SECISBP2: variants seen among roughly 807,000 people sequenced by gnomAD.
SECISBP2 encodes SECIS binding protein 2, also known as selenocysteine insertion sequence-binding protein 2.
In SECISBP2, 96 loss-of-function variants were observed where a neutral mutation model predicts 98.2. That is an observed-to-expected ratio of 0.98 (90% CI 0.83 to 1.16). The LOEUF (loss-of-function observed/expected upper bound fraction) is 1.16, where lower values mean the gene tolerates loss of function less well. Among genes scored for constraint, SECISBP2 ranks in the 50% most tolerant of loss-of-function variants. The pLI is 0.00. For synonymous variants in SECISBP2, 407 were observed against 370.2 expected, an observed-to-expected ratio of 1.10 and a Z score of -1.14; for missense variants, 1,046 against 1,022.9, an observed-to-expected ratio of 1.02 and a Z score of -0.31.
chr9:89,363,602 T>G, downstream of SECISBP2: 1 of 1,600,250 alleles, frequency 6.2e-7, no homozygotes, highest in Middle Eastern at 1.7e-4. Context: ...CTGGCCACCT[T>G]TCTCAATGGA....
At chr9:89,350,535 G>T in intron 13 of SECISBP2, 97 bp from the exon 14 acceptor site, 1 of 1,055,502 alleles carries the variant, frequency 9.5e-7, no homozygotes, top group Non-Finnish European at 1.5e-6. Flanking sequence ...CTTTTTGTCT[G>T]ATGCAGTCTA....
intron 12 of SECISBP2, 46 bp downstream of exon 12, chr9:89,348,260 A>C: frequency 6.2e-7 from 1 of 1,610,316 alleles, no homozygotes; most frequent in Admixed American, 1.7e-5. Flanking sequence ...AACGAGAGCA[A>C]CTATGAAAAG....
chr9:89,334,133 T>C, intron 6 of SECISBP2: 2 of 1,144,548 alleles, frequency 1.7e-6, no homozygotes, highest in Non-Finnish European at 2.2e-6. Flanking sequence ...CTTTGACTTC[T>C]GATGTTAAAG....
chr9:89,361,856 C>G (rs1748762527), downstream of SECISBP2: 1 of 158,670 alleles, frequency 6.3e-6, no homozygotes, highest in Non-Finnish European at 1.4e-5. Flanking sequence ...GGAGTCTCAC[C>G]TTTTCTTGTC....
chr9:89,362,499 GTCTC>G, downstream of SECISBP2: 2 of 1,613,590 alleles, frequency 1.2e-6, no homozygotes, highest in Non-Finnish European at 1.7e-6. Flanking sequence ...AGCCCAGTCT[GTCTC>G]ATAGCCCATC....
intron 4 of SECISBP2, among the ~76,000 whole-genome samples, 153 bp from the exon 5 acceptor site, chr9:89,328,506 AG>A (rs1827163103): frequency 6.6e-6 from 1 of 152,248 alleles, no homozygotes; most frequent in Non-Finnish European, 1.5e-5. Context: ...ACTTTTACAA[AG>A]GAAGGTGAAC....
the SECISBP2 span, among the ~76,000 whole-genome samples, chr9:89,366,334 TATAAC>T: frequency 5.9e-5 from 9 of 152,148 alleles, no homozygotes; most frequent in South Asian, 2.1e-4. Flanking sequence ...TTTCCAAACT[TATAAC>T]AAACAAGCAT....
At chr9:89,320,846 G>A (rs1034111496) in intron 2 of SECISBP2, among the ~76,000 whole-genome samples, 4 of 152,024 alleles carry the variant, frequency 2.6e-5, no homozygotes, top group Non-Finnish European at 5.9e-5. Flanking sequence ...TGCATCAGGT[G>A]TAGTTCTAAT....
intron 4 of SECISBP2, among the ~76,000 whole-genome samples, chr9:89,327,393 CTTT>C (rs1826920320): frequency 6.6e-6 from 1 of 152,014 alleles, no homozygotes; most frequent in Non-Finnish European, 1.5e-5. Context: ...CTTACTGTAA[CTTT>C]TTTACTTTAT....
At chr9:89,354,062 T>TA (rs1403900272) in intron 14 of SECISBP2, among the ~76,000 whole-genome samples, 1 of 152,250 alleles carries the variant, frequency 6.6e-6, no homozygotes, top group African/African-American at 2.4e-5. Context: ...ATTCTGAACT[T>TA]AAACTTTGAA....
intron 2 of SECISBP2, among the ~76,000 whole-genome samples, chr9:89,321,527 T>C (rs1281143906): frequency 6.6e-6 from 1 of 151,796 alleles, no homozygotes; most frequent in Non-Finnish European, 1.5e-5. Context: ...ATTAGCCGGG[T>C]GTGGTGGCAG....
intron 7 of SECISBP2, among the ~76,000 whole-genome samples, chr9:89,335,523 G>A (rs1828515657): frequency 6.6e-6 from 1 of 151,972 alleles, no homozygotes; most frequent in South Asian, 2.1e-4. Flanking sequence ...AGTAGAGATG[G>A]GGCTTCACCA....
intron 4 of SECISBP2, 51 bp downstream of exon 4, chr9:89,326,089 A>G (rs1564330288): frequency 1.9e-6 from 3 of 1,594,874 alleles, no homozygotes; most frequent in Non-Finnish European, 2.6e-6. Flanking sequence ...CTTGTGCCCC[A>G]GAAACATTCC....
chr9:89,344,183 T>C (rs1204259376), intron 10 of SECISBP2, among the ~76,000 whole-genome samples: 1 of 152,196 alleles, frequency 6.6e-6, no homozygotes, highest in African/African-American at 2.4e-5. Context: ...TGCAAATTTG[T>C]TTAAGATCCT....
chr9:89,350,661 T>C lies in SECISBP2; in HGVS notation c.1922T>C (p.Val641Ala), dbSNP rs762983358. The change falls in exon 14 of 17, where the codon GTG becomes GCG. Residue 641 changes from valine to alanine, a missense_variant. Coordinates refer to ENST00000375807, the MANE Select transcript of SECISBP2 (RefSeq NM_024077.5). ...DYCSQMLSKE[V>A]DACVTDLLKE... Reference sequence around the variant, plus strand: ...TGCAGCCAGATGCTTAGTAAAGAAGTGGATGCTTGTGTTACCGACCTACTC... The same window carrying C: ...TGCAGCCAGATGCTTAGTAAAGAAGCGGATGCTTGTGTTACCGACCTACTC... 6.8e-6 allele frequency: 11 copies of C among 1,614,118 alleles called. No homozygotes were observed. Among genetic ancestry groups the C allele is most frequent in the Non-Finnish European group, 8.5e-6 (10 of 1,179,980 alleles).
At position 89,358,972 on chromosome 9, in the gene SECISBP2, T is replaced by C; in HGVS notation, c.*148T>C. 1.5e-6 allele frequency: 1 copy of C among 675,748 alleles called. No individual in the cohort carries two copies. The highest frequency in any genetic ancestry group is 2.7e-6 in the Non-Finnish European group (1 of 374,638). The allele number at this position is 675,748 out of a possible 1,614,324, so 41.9% of individuals were successfully genotyped here. On this transcript the variant is annotated 3_prime_UTR_variant, in exon 17 of 17. Transcript: ENST00000375807. ...CAGCATTAAAGGGCACATGAAGCAG[T>C]GTCTGCAGGCGTTCAGTGCTGCGGA...
Position 89,342,651 on chromosome 9 carries a change from A to T in SECISBP2, c.1435+1172A>T, listed in dbSNP as rs564763060. 9.1e-4 allele frequency among the ~76,000 whole-genome samples: 139 copies of T among 152,390 alleles called. 1 individual carries two copies. The highest frequency in any genetic ancestry group is 2.9e-3 in the African/African-American group (121 of 41,596). On this transcript the variant is annotated intron_variant, in intron 10 of 16. Transcript: ENST00000375807. ...AAGAAACCTGAAAACATTATACCAT[A>T]TAAAATTAGCTAGACACAGAAACAC...
At chr9:89,346,368 A>G (rs1830420029) in intron 10 of SECISBP2, among the ~76,000 whole-genome samples, 1 of 152,244 alleles carries the variant, frequency 6.6e-6, no homozygotes. Flanking sequence ...TGGAAAACTC[A>G]AGAGAATTAA....
In SECISBP2 at chr9:89,326,053, C is replaced by G; in HGVS notation, c.574+15C>G. ...TTTGAAATCAGGTAAAAATAACCAA[C>G]AATGTAGTATAATGCGAGCCTACTC... On this transcript the variant is annotated intron_variant, in intron 4 of 16. Transcript: ENST00000375807. 7 of 1,610,128 alleles carry G rather than the reference C, an allele frequency of 4.3e-6. No individual in the cohort carries two copies. The highest frequency in any genetic ancestry group is 5.9e-6 in the Non-Finnish European group (7 of 1,179,746).
Sources: allele counts gnomAD v4.1 joint callset (sites outside exome capture counted in the v4.1 genomes callset), GRCh38; gene constraint gnomAD v4.1.1; transcripts MANE v1.5; gene names NCBI Gene and HGNC (gene_info 2026-07-23, HGNC 2026-07-21).